The following CDH4 variants were observed in gnomAD, a reference collection of about 807,000 sequenced individuals.
The protein encoded by CDH4 is cadherin-4.
Under a neutral mutation model 86.0 loss-of-function variants are expected in CDH4, and 33 were observed. The ratio of observed to expected loss-of-function variants is 0.38; its 90% CI spans 0.29 to 0.51. The LOEUF (loss-of-function observed/expected upper bound fraction) is 0.51. Among genes scored for constraint, CDH4 ranks in the 20% least tolerant of loss-of-function variants. CDH4 has a pLI of 0.86. For synonymous variants in CDH4, 555 were observed against 549.4 expected, an observed-to-expected ratio of 1.01 and a Z score of -0.14; for missense variants, 1,114 against 1,307.4, an observed-to-expected ratio of 0.85 and a Z score of 2.28.
At chr20:61,680,086 C>T (rs1041580126) in intron 2 of CDH4, among the ~76,000 whole-genome samples, 1 of 152,206 alleles carries the variant, frequency 6.6e-6, no homozygotes. Context: ...GGACCCTGCC[C>T]CAGGGCTGCA....
At position 61,358,827 on chromosome 20, in the gene CDH4, A is replaced by G. The variant is rs1431389158; in HGVS notation, c.169+103890A>G. ...CGGGGGGGAAGGAGAGGAGACCTGC[A>G]TGAGCCACGGAAACCGTTCCCTCTA... On this transcript the variant is annotated intron_variant, in intron 2 of 15. Coordinates refer to ENST00000614565, the MANE Select transcript of CDH4 (RefSeq NM_001794.5). 3.3e-5 allele frequency among the ~76,000 whole-genome samples: 5 copies of G among 152,186 alleles called. No homozygotes were observed. In the East Asian group the frequency reaches 9.7e-4, roughly 29 times the overall value.
At chr20:61,861,575 A>AAGCCCAACCACAGAG (rs1555849793) in intron 6 of CDH4, among the ~76,000 whole-genome samples, 1 of 149,320 alleles carries the variant, frequency 6.7e-6, no homozygotes, top group Non-Finnish European at 1.5e-5. Flanking sequence ...AAGTCACAGA[A>AAGCCCAACCACAGAG]AACCCAACCA....
chr20:61,596,324 C>T (rs2086557057), intron 2 of CDH4, among the ~76,000 whole-genome samples: 1 of 152,186 alleles, frequency 6.6e-6, no homozygotes, highest in South Asian at 2.1e-4. Flanking sequence ...GGTGGCTGCC[C>T]AGGGCATGGA....
intron 2 of CDH4, among the ~76,000 whole-genome samples, chr20:61,632,190 G>A (rs76802553): frequency 3.9e-4 from 60 of 152,362 alleles, no homozygotes; most frequent in African/African-American, 8.4e-4. Context: ...CTCCTGGGGC[G>A]GAGAGTGAAG....
chr20:61,415,670 C>T (rs1233891991), intron 2 of CDH4, among the ~76,000 whole-genome samples: 1 of 152,078 alleles, frequency 6.6e-6, no homozygotes, highest in Non-Finnish European at 1.5e-5. Flanking sequence ...GCATGATGTC[C>T]TTAAAGTTCA....
intron 4 of CDH4, among the ~76,000 whole-genome samples, chr20:61,814,561 A>G (rs902592428): frequency 1.3e-5 from 2 of 152,238 alleles, no homozygotes; most frequent in Non-Finnish European, 2.9e-5. Context: ...GTACAGAGAC[A>G]ACATTTGCAG....
intron 2 of CDH4, among the ~76,000 whole-genome samples, chr20:61,674,468 A>G (rs1037927873): frequency 2.0e-5 from 3 of 151,730 alleles, no homozygotes; most frequent in Admixed American, 6.6e-5. Context: ...GACAGTTCAC[A>G]GGGAGCAGGA....
In CDH4 at chr20:61,501,528, G is replaced by A. The variant is rs556958695; in HGVS notation, c.170-242035G>A. Among the ~76,000 whole-genome samples the A allele has an allele frequency of 2.6e-5, 4 of 152,266 alleles. No homozygotes were observed. Among genetic ancestry groups the A allele is most frequent in the South Asian group, 4.1e-4 (2 of 4,822 alleles). On this transcript the variant is annotated intron_variant, in intron 2 of 15. Transcript: ENST00000614565. This position sits in a 1 kb window ranked among gnomAD's most constrained non-coding sequence, Gnocchi z 4.2. Reference sequence around the variant, plus strand: ...TGAGATTCAGGAGACGGCTGCTGCCGTCTCTGCCCCCTCATCCTTGCTGAA... The same window carrying A: ...TGAGATTCAGGAGACGGCTGCTGCCATCTCTGCCCCCTCATCCTTGCTGAA...
In CDH4 at chr20:61,920,271, G is replaced by A. The variant is rs112500580; in HGVS notation, c.1375-3180G>A. 4.8e-5 allele frequency among the ~76,000 whole-genome samples: 6 copies of A among 123,850 alleles called. No homozygotes were observed. The East Asian group carries it at 8.1e-4, about 17-fold the overall frequency. The allele number at this position is 123,850 out of a possible 152,430, so 81.3% of individuals were successfully genotyped here. A position where few individuals can be genotyped will look rare whatever the true frequency, so the allele number is the denominator to read the frequency against. On this transcript the variant is annotated intron_variant, in intron 9 of 15. Transcript: ENST00000614565. ...GGTGTCACAGTGATTGCATGGAAGC[G>A]TGTCATGATTGTGTGGAAGCATGGT...
chr20:61,483,541 C>G (rs976018016), intron 2 of CDH4, among the ~76,000 whole-genome samples: 1 of 152,274 alleles, frequency 6.6e-6, no homozygotes, highest in African/African-American at 2.4e-5. Context: ...CTTTGGCTGA[C>G]GAGATGTTAG....
At chr20:61,601,272 A>G (rs1394344995) in intron 2 of CDH4, among the ~76,000 whole-genome samples, 1 of 152,024 alleles carries the variant, frequency 6.6e-6, no homozygotes. Flanking sequence ...GAGCTTACTC[A>G]CTGTGGTGAG....
At chr20:61,362,402 G>A (rs560782292) in intron 2 of CDH4, among the ~76,000 whole-genome samples, 10 of 151,426 alleles carry the variant, frequency 6.6e-5, no homozygotes, top group East Asian at 5.9e-4. Flanking sequence ...CTAGGACAGC[G>A]TAGGGGAGAG....
chr20:61,331,552 C>G (rs891909734), intron 2 of CDH4, among the ~76,000 whole-genome samples: 3 of 151,768 alleles, frequency 2.0e-5, no homozygotes, highest in Admixed American at 1.3e-4. Flanking sequence ...CAGGTCTCAG[C>G]TCAAACCCCA....
At chr20:61,916,133 G>GA (rs766477846) in intron 9 of CDH4, among the ~76,000 whole-genome samples, 19 of 148,826 alleles carry the variant, frequency 1.3e-4, no homozygotes, top group Non-Finnish European at 2.8e-4. Context: ...GCATTCTTTG[G>GA]TAGAGACGTC....
rs2087803910 is a variant in CDH4, at chr20:61,703,995, C to T, written c.170-39568C>T. 6.6e-6 allele frequency among the ~76,000 whole-genome samples: 1 copy of T among 152,000 alleles called. No homozygotes were observed. The highest frequency in any genetic ancestry group is 2.4e-5 in the African/African-American group (1 of 41,398). ...GCAGAGTCACAGCCGCTGGGAGTGG[C>T]CGGGCAGGTGGCTGTGCCCTGTGGG... On this transcript the variant is annotated intron_variant, in intron 2 of 15. Coordinates refer to ENST00000614565, the MANE Select transcript of CDH4 (RefSeq NM_001794.5). The surrounding 1 kb of genome is among the most constrained non-coding windows in gnomAD (Gnocchi z 4.3).
At chr20:61,583,169 GCGGGGGGGACAGAGGGC>G (rs1301255777) in intron 2 of CDH4, among the ~76,000 whole-genome samples, 1 of 80,878 alleles carries the variant, frequency 1.2e-5, no homozygotes, top group African/African-American at 4.3e-5. Flanking sequence ...AGAGGGCTCT[GCGGGGGGGACAGAGGGC>G]TCTGCGGAGG....
At chr20:61,692,231 G>C (rs549697542) in intron 2 of CDH4, among the ~76,000 whole-genome samples, 19 of 148,006 alleles carry the variant, frequency 1.3e-4, no homozygotes, top group Non-Finnish European at 2.7e-4. Context: ...GTGTGTATGT[G>C]TGTGTATGTA....
At chr20:61,926,170 G>A (rs2055042411) in intron 11 of CDH4, among the ~76,000 whole-genome samples, 1 of 152,358 alleles carries the variant, frequency 6.6e-6, no homozygotes, top group East Asian at 1.9e-4. Flanking sequence ...CGGCTGGGAG[G>A]CAGTGACCAG....
At chr20:61,531,343 G>C (rs573356209) in intron 2 of CDH4, among the ~76,000 whole-genome samples, 1 of 152,178 alleles carries the variant, frequency 6.6e-6, no homozygotes, top group African/African-American at 2.4e-5. Flanking sequence ...ATGGTGGTGG[G>C]TGCCTGTAAT....
Sources: allele counts gnomAD v4.1 joint callset (sites outside exome capture counted in the v4.1 genomes callset), GRCh38; gene constraint gnomAD v4.1.1; non-coding constraint Gnocchi (gnomAD v3.1); transcripts MANE v1.5; gene names NCBI Gene and HGNC (gene_info 2026-07-23, HGNC 2026-07-21).